Variants in PMPCB observed in about 807,000 individuals in gnomAD.
PMPCB encodes the protein peptidase, mitochondrial processing subunit beta, also known as mitochondrial-processing peptidase subunit beta.
PMPCB carries 46 observed loss-of-function variants against 61.5 expected under a neutral mutation model. That is an observed-to-expected ratio of 0.75 (90% CI 0.59 to 0.96). The LOEUF is 0.96. Ranked by LOEUF, PMPCB falls within the 40% of genes least tolerant of loss-of-function variation. The pLI is 0.00. For missense variants in PMPCB, 590 were observed against 602.4 expected, an observed-to-expected ratio of 0.98 and a Z score of 0.22; for synonymous variants, 191 against 201.6, an observed-to-expected ratio of 0.95 and a Z score of 0.44.
the PMPCB span, among the ~76,000 whole-genome samples, chr7:103,342,188 C>CA: frequency 0.016 from 2,349 of 151,158 alleles, 51 homozygotes; most frequent in African/African-American, 0.054. Flanking sequence ...TCTGACAAAA[C>CA]AAAAAAAACT....
At chr7:103,331,097 C>T (rs1264315522), downstream of PMPCB, among the ~76,000 whole-genome samples, 1 of 151,856 alleles carries the variant, frequency 6.6e-6, no homozygotes, top group Non-Finnish European at 1.5e-5. Context: ...TCTGGGATTA[C>T]AGGCACCTGC....
intron 12 of PMPCB, among the ~76,000 whole-genome samples, chr7:103,323,121 G>T (rs1308095330): frequency 6.6e-6 from 1 of 152,076 alleles, no homozygotes; most frequent in Non-Finnish European, 1.5e-5. Flanking sequence ...GTAGAGACAG[G>T]GTTTCGCCAT....
intron 4 of PMPCB, among the ~76,000 whole-genome samples, chr7:103,301,571 T>G (rs1344711412): frequency 6.6e-6 from 1 of 152,170 alleles, no homozygotes; most frequent in Non-Finnish European, 1.5e-5. Flanking sequence ...CCTTTTCTCC[T>G]GGCATCTAGC....
At chr7:103,311,938 T>G (rs780060739) in intron 11 of PMPCB, 42 bp downstream of exon 11, 3 of 1,516,480 alleles carry the variant, frequency 2.0e-6, no homozygotes, top group Non-Finnish European at 2.7e-6. Flanking sequence ...TGTAAAAAGA[T>G]CCTTGTTACA....
downstream of PMPCB, among the ~76,000 whole-genome samples, chr7:103,333,865 T>C (rs1819064486): frequency 6.6e-6 from 1 of 152,236 alleles, no homozygotes; most frequent in Non-Finnish European, 1.5e-5. Flanking sequence ...CACCAAAATA[T>C]ATAGCAGTTT....
chr7:103,337,352 A>G, the PMPCB span: 2 of 161,558 alleles, frequency 1.2e-5, no homozygotes, highest in South Asian at 3.6e-4. Flanking sequence ...GTGTGACCTA[A>G]GATTACAAAA....
chr7:103,299,540 A>T lies in PMPCB; in HGVS notation c.327+11A>T, dbSNP rs1450548398. Reference sequence around the variant, plus strand: ...CATATGGCTTTCAAGGCAAGTTGTAAGACTTTACAAAAATGCACTCTCTTT... The same window carrying T: ...CATATGGCTTTCAAGGCAAGTTGTATGACTTTACAAAAATGCACTCTCTTT... On this transcript the variant is annotated intron_variant, in intron 3 of 12. Coordinates refer to ENST00000249269, the MANE Select transcript of PMPCB (RefSeq NM_004279.3). 3.0e-5 allele frequency: 47 copies of T among 1,557,426 alleles called. No individual in the cohort carries two copies. Among genetic ancestry groups the T allele is most frequent in the Non-Finnish European group, 4.1e-5 (46 of 1,132,432 alleles).
At position 103,310,460 on chromosome 7, in the gene PMPCB, T is replaced by G; in HGVS notation, c.1139T>G (p.Val380Gly). 1 of 1,602,586 alleles carries G rather than the reference T, an allele frequency of 6.2e-7. No individual in the cohort carries two copies. The highest frequency in any genetic ancestry group is 8.5e-7 in the Non-Finnish European group (1 of 1,176,432). Residue 380 changes from valine to glycine, a missense_variant, in exon 9 of 13, where the codon GTT (valine) becomes GGT (glycine). Physicochemically the swap from Val to Gly is moderately radical, Grantham distance 109. Coordinates refer to ENST00000249269, the MANE Select transcript of PMPCB (RefSeq NM_004279.3). ...ESSTVADMLH[V>G]VQKEWMRLCT... ...TCCACTGTTGCAGACATGCTACATG[T>G]TGTTCAAAAAGAATGGTGAGAAAAA... is the stretch of plus-strand genomic sequence containing the variant.
intron 1 of PMPCB, chr7:103,297,869 A>G: frequency 7.0e-7 from 1 of 1,437,464 alleles, no homozygotes; most frequent in Non-Finnish European, 9.2e-7. Context: ...AAAAAGTGAA[A>G]TGGGTACCGC....
chr7:103,334,097 C>A (rs1030604755), downstream of PMPCB, among the ~76,000 whole-genome samples: 32 of 152,098 alleles, frequency 2.1e-4, no homozygotes, highest in Admixed American at 5.2e-4. Context: ...ACTACAGGTA[C>A]CCGCCACCAC....
At chr7:103,333,985 C>G (rs1017711631), downstream of PMPCB, among the ~76,000 whole-genome samples, 1 of 147,646 alleles carries the variant, frequency 6.8e-6, no homozygotes, top group Non-Finnish European at 1.5e-5. Context: ...GAGTCTCGCT[C>G]TGTTGCCCAG....
chr7:103,333,256 C>T (rs1819043599), downstream of PMPCB, among the ~76,000 whole-genome samples: 1 of 152,184 alleles, frequency 6.6e-6, no homozygotes, highest in South Asian at 2.1e-4. Context: ...TTTTAAACCT[C>T]TGAATTGAAT....
the PMPCB span, among the ~76,000 whole-genome samples, chr7:103,338,398 G>C: frequency 5.4e-5 from 8 of 149,234 alleles, no homozygotes; most frequent in African/African-American, 2.0e-4. Context: ...CCGGGTTCAA[G>C]CAATTCTCCT....
chr7:103,330,001 T>C (rs774842777), downstream of PMPCB, among the ~76,000 whole-genome samples: 15 of 152,166 alleles, frequency 9.9e-5, no homozygotes, highest in African/African-American at 2.9e-4. Context: ...TTTTAGGTAA[T>C]AGCATTAATG....
At chr7:103,320,588 G>A (rs1401363476) in intron 12 of PMPCB, among the ~76,000 whole-genome samples, 4 of 151,044 alleles carry the variant, frequency 2.6e-5, no homozygotes, top group Admixed American at 1.3e-4. Context: ...GTGAAACCCC[G>A]TCTCTACTAA....
At chr7:103,334,014 G>C (rs575285207), downstream of PMPCB, among the ~76,000 whole-genome samples, 2 of 150,214 alleles carry the variant, frequency 1.3e-5, no homozygotes, top group East Asian at 2.0e-4. Context: ...GCAGTGGCGT[G>C]ATCTCAGCTC....
chr7:103,346,855 A>T, the PMPCB span, among the ~76,000 whole-genome samples: 5 of 133,482 alleles, frequency 3.7e-5, no homozygotes, highest in African/African-American at 8.6e-5. Context: ...TGTGTGTGTG[A>T]GCGCGCATGC....
rs142312724 is a variant in PMPCB at position 103,301,909 on chromosome 7, G to A, written c.457+1602G>A. 4.5e-3 allele frequency among the ~76,000 whole-genome samples: 679 copies of A among 152,014 alleles called. 4 individuals are homozygous for A. The highest frequency in any genetic ancestry group is 0.014 in the African/African-American group (582 of 41,450). On this transcript the variant is annotated intron_variant, in intron 4 of 12. Transcript: ENST00000249269. ...GTTGGTGTGCTGCACCCGTTAACTC[G>A]TCATTTACATTAGGTATATCTCCTA...
In PMPCB at chr7:103,312,554, A is replaced by G. The variant is rs1817803779; in HGVS notation, c.*283A>G. ...TTTCAGTTTTATTATAAAAATGCAC[A>G]CACAACAAAGATTGTCATTTCTTGG... On this transcript the variant is annotated 3_prime_UTR_variant, in exon 13 of 13. Coordinates refer to ENST00000249269, the MANE Select transcript of PMPCB (RefSeq NM_004279.3). 3.7e-6 allele frequency: 6 copies of G among 1,602,548 alleles called. No individual in the cohort carries two copies. The African/African-American group carries it at 4.0e-5, about 11-fold the overall frequency.
Sources: allele counts gnomAD v4.1 joint callset (sites outside exome capture counted in the v4.1 genomes callset), GRCh38; gene constraint gnomAD v4.1.1; transcripts MANE v1.5; gene names NCBI Gene and HGNC (gene_info 2026-07-23, HGNC 2026-07-21).